CCND2: variants seen among roughly 807,000 people sequenced by gnomAD.
CCND2 encodes the protein G1/S-specific cyclin-D2.
In CCND2, 6 loss-of-function variants were observed where a neutral mutation model predicts 30.2. That is an observed-to-expected ratio of 0.20 (90% CI 0.11 to 0.39). The LOEUF (loss-of-function observed/expected upper bound fraction) is 0.39. Ranked by LOEUF, CCND2 falls within the 10% of genes least tolerant of loss-of-function variation. The pLI, the probability that CCND2 is intolerant of heterozygous loss-of-function variation, is 1.00. For missense variants in CCND2, 235 were observed against 373.4 expected (o/e 0.63, Z 3.06); for synonymous variants, 150 against 153.1 (o/e 0.98, Z 0.15).
In CCND2 at chr12:4,273,927, G is replaced by C; in HGVS notation, c.-114G>C. The C allele has an allele frequency of 9.7e-7, 1 of 1,032,336 alleles. No homozygotes were observed. The highest frequency in any genetic ancestry group is 1.6e-5 in the South Asian group (1 of 61,282). 63.9% of individuals were successfully genotyped at this position (1,032,336 alleles called of 1,614,324 possible). ...CTCTCCCCCGAAAACCCCCTATTTA[G>C]CCAAAGGAAGGAGGTCAGGGGAACG... On this transcript the variant is annotated 5_prime_UTR_variant, in exon 1 of 5. Transcript: ENST00000261254. This position sits in a 1 kb window ranked among gnomAD's most constrained non-coding sequence, Gnocchi z 5.9.
In CCND2 at chr12:4,301,136, TTCCTACCA is replaced by T. The variant is rs1864243426; in HGVS notation, c.*1128_*1135del. On this transcript the variant is annotated 3_prime_UTR_variant, in exon 5 of 5. Coordinates refer to ENST00000261254, the MANE Select transcript of CCND2 (RefSeq NM_001759.4). Reference sequence around the variant, plus strand: ...CGTTCTTTGGTACACAGTTCTGGTGTTCCTACCAGGACTCAAGAGACACCCCTTCCTGC... The same window carrying T: ...CGTTCTTTGGTACACAGTTCTGGTGTGGACTCAAGAGACACCCCTTCCTGC... 8.6e-6 allele frequency: 2 copies of T among 233,508 alleles called. No individual in the cohort carries two copies. Among genetic ancestry groups the T allele is most frequent in the Non-Finnish European group, 1.7e-5 (2 of 118,040 alleles). 14.5% of individuals were successfully genotyped at this position (233,508 alleles called of 1,614,324 possible). A position where few individuals can be genotyped will look rare whatever the true frequency, so the allele number is the denominator to read the frequency against.
Position 4,282,217 on chromosome 12 carries a change from C to T in CCND2, c.571+3298C>T, listed in dbSNP as rs73247753. ...AGAGCCAATGGCATTGAGTTTACAC[C>T]TGGCACCGGGTAGGGGGAGGTGCTC... On this transcript the variant is annotated intron_variant, in intron 3 of 4. Coordinates refer to ENST00000261254, the MANE Select transcript of CCND2 (RefSeq NM_001759.4). The surrounding 1 kb of genome is among the most constrained non-coding windows in gnomAD (Gnocchi z 4.3). Among the ~76,000 whole-genome samples, 710 of 152,250 alleles carry T rather than the reference C, an allele frequency of 4.7e-3. 4 individuals carry two copies. The highest frequency in any genetic ancestry group is 0.016 in the African/African-American group (651 of 41,530).
intron 4 of CCND2, among the ~76,000 whole-genome samples, chr12:4,298,270 C>G (rs955319179): frequency 6.6e-6 from 1 of 152,148 alleles, no homozygotes; most frequent in African/African-American, 2.4e-5. Context: ...CTGCCTTTGG[C>G]CTTTAGTCTG....
rs1473303650 is a variant in CCND2 at position 4,301,915 on chromosome 12, TG to T, written c.*1907del. On this transcript the variant is annotated 3_prime_UTR_variant, in exon 5 of 5. Transcript: ENST00000261254. ...TTTCTTCTGGTAGCATATTCATGGTTGTTTTTTTTTTTCTTTTTTGGTTTTT... is the reference window on the plus strand; with the variant it reads ...TTTCTTCTGGTAGCATATTCATGGTTTTTTTTTTTTTCTTTTTTGGTTTTT... The T allele has an allele frequency of 3.9e-5, 9 of 232,738 alleles. No homozygotes were observed. Among genetic ancestry groups the T allele is most frequent in the Non-Finnish European group, 6.8e-5 (8 of 117,758 alleles). 14.4% of individuals were successfully genotyped at this position (232,738 alleles called of 1,614,324 possible). A position where few individuals can be genotyped will look rare whatever the true frequency, so the allele number is the denominator to read the frequency against.
intron 3 of CCND2, among the ~76,000 whole-genome samples, chr12:4,281,023 A>C (rs1402584087): frequency 6.6e-6 from 1 of 152,218 alleles, no homozygotes; most frequent in Non-Finnish European, 1.5e-5. Context: ...TGGGATTCAG[A>C]GACTGAGGAC....
chr12:4,288,831 A>G lies in CCND2; in HGVS notation c.572-11A>G. 6.2e-7 allele frequency: 1 copy of G among 1,605,410 alleles called. No individual in the cohort carries two copies. Among genetic ancestry groups the G allele is most frequent in the Non-Finnish European group, 8.5e-7 (1 of 1,175,406 alleles). On this transcript the variant is annotated splice_polypyrimidine_tract_variant and intron_variant, in intron 3 of 4. Coordinates refer to ENST00000261254, the MANE Select transcript of CCND2 (RefSeq NM_001759.4). ...TCTGTGCCCTGACCTTCTGCCTCTC[A>G]TTCCTTGCAGACTTTAAGTTTGCCA...
chr12:4,295,297 A>G (rs1375087951), intron 4 of CCND2, among the ~76,000 whole-genome samples: 2 of 152,174 alleles, frequency 1.3e-5, no homozygotes, highest in African/African-American at 2.4e-5. Context: ...CAAGCTGATC[A>G]TTGTCAAGTT....
Position 4,285,349 on chromosome 12 carries a change from C to A in CCND2, c.572-3493C>A. 1 of 985,428 alleles carries A rather than the reference C, an allele frequency of 1.0e-6. No homozygotes were observed. The highest frequency in any genetic ancestry group is 1.2e-6 in the Non-Finnish European group (1 of 829,900). 61.0% of individuals were successfully genotyped at this position (985,428 alleles called of 1,614,324 possible). On this transcript the variant is annotated intron_variant, in intron 3 of 4. Transcript: ENST00000261254. The surrounding 1 kb of genome is among the most constrained non-coding windows in gnomAD (Gnocchi z 4.1). The stretch of plus-strand genomic sequence containing the variant: ...ATTAACGATGGCGAGGGCACACCCT[C>A]ACCCCTGAGCGTGCCTTCTGCACCA...
chr12:4,285,201 C>T lies in CCND2; in HGVS notation c.572-3641C>T. 1.3e-6 allele frequency: 1 copy of T among 757,726 alleles called. No homozygotes were observed. The highest frequency in any genetic ancestry group is 1.3e-4 in the East Asian group (1 of 7,760). 46.9% of individuals were successfully genotyped at this position (757,726 alleles called of 1,614,324 possible). ...GGGGAGTCCTCCATGCTGCCTGGAACAGGGAGGAGCACATTGTCATGAGTC... is the reference window on the plus strand; with the variant it reads ...GGGGAGTCCTCCATGCTGCCTGGAATAGGGAGGAGCACATTGTCATGAGTC... On this transcript the variant is annotated intron_variant, in intron 3 of 4. Transcript: ENST00000261254. This position sits in a 1 kb window ranked among gnomAD's most constrained non-coding sequence, Gnocchi z 4.1.
intron 3 of CCND2, among the ~76,000 whole-genome samples, chr12:4,284,955 C>T (rs1453065009): frequency 3.9e-5 from 6 of 152,066 alleles, no homozygotes; most frequent in Admixed American, 2.0e-4. Context: ...AGACTGGTCT[C>T]GAACTTCGGA....
chr12:4,283,412 G>C (rs1465232090), intron 3 of CCND2, among the ~76,000 whole-genome samples: 1 of 152,208 alleles, frequency 6.6e-6, no homozygotes, highest in Non-Finnish European at 1.5e-5. Context: ...AGGTGACTTT[G>C]AGGAGCTGGT....
rs2120592924 is a variant in CCND2, at chr12:4,299,825, C to T, written c.721-35C>T. ...GTAGGATGCTCTATGTCCTGTTCCTCTTACTAACAACTCTGGTCTGGACCA... is the reference window on the plus strand; with the variant it reads ...GTAGGATGCTCTATGTCCTGTTCCTTTTACTAACAACTCTGGTCTGGACCA... On this transcript the variant is annotated intron_variant, in intron 4 of 4. Transcript: ENST00000261254. This position sits in a 1 kb window ranked among gnomAD's most constrained non-coding sequence, Gnocchi z 5.2. 6.2e-7 allele frequency: 1 copy of T among 1,600,300 alleles called. No homozygotes were observed. Among genetic ancestry groups the T allele is most frequent in the Non-Finnish European group, 8.5e-7 (1 of 1,170,056 alleles).
Position 4,276,594 on chromosome 12 carries a change from G to A in CCND2, c.411+374G>A, listed in dbSNP as rs977252429. 1.3e-5 allele frequency among the ~76,000 whole-genome samples: 2 copies of A among 152,194 alleles called. No homozygotes were observed. The highest frequency in any genetic ancestry group is 4.1e-4 in the South Asian group (2 of 4,832). On this transcript the variant is annotated intron_variant, in intron 2 of 4. Coordinates refer to ENST00000261254, the MANE Select transcript of CCND2 (RefSeq NM_001759.4). This position sits in a 1 kb window ranked among gnomAD's most constrained non-coding sequence, Gnocchi z 4.8. ...AAATTTCCAAAAATAGTCTGAGAAC[G>A]TGTTCACATGATAGGTATGTGGCTG...
At position 4,302,477 on chromosome 12, in the gene CCND2, C is replaced by T. The variant is rs761675609; in HGVS notation, c.*2468C>T. 4.3e-6 allele frequency: 1 copy of T among 233,090 alleles called. No individual in the cohort carries two copies. Among genetic ancestry groups the T allele is most frequent in the Non-Finnish European group, 8.5e-6 (1 of 117,936 alleles). The allele number at this position is 233,090 out of a possible 1,614,324, so 14.4% of individuals were successfully genotyped here. On this transcript the variant is annotated 3_prime_UTR_variant, in exon 5 of 5. Coordinates refer to ENST00000261254, the MANE Select transcript of CCND2 (RefSeq NM_001759.4). ...TTTTTCCCCTCCGTCTTTCCCCTCC[C>T]CTGGCATGGACACCTTGTGTTTAGG...
In CCND2 at chr12:4,299,782, A is replaced by T; in HGVS notation, c.721-78A>T. ...ACTAGCACAGACTTATGCAAGCTAA[A>T]TTACGCATGTTTTCTCCGTAGGATG... is the stretch of plus-strand genomic sequence containing the variant. On this transcript the variant is annotated intron_variant, in intron 4 of 4. Transcript: ENST00000261254. This position sits in a 1 kb window ranked among gnomAD's most constrained non-coding sequence, Gnocchi z 5.2. 7.3e-7 allele frequency: 1 copy of T among 1,379,112 alleles called. No individual in the cohort carries two copies. Among genetic ancestry groups the T allele is most frequent in the African/African-American group, 1.4e-5 (1 of 70,246 alleles). 85.4% of individuals were successfully genotyped at this position (1,379,112 alleles called of 1,614,324 possible).
chr12:4,296,119 G>A (rs1297905064), intron 4 of CCND2, among the ~76,000 whole-genome samples: 2 of 152,246 alleles, frequency 1.3e-5, no homozygotes, highest in Non-Finnish European at 2.9e-5. Context: ...CCAAAGGGAA[G>A]ACGCGCATGG....
chr12:4,295,281 G>A (rs546930819), intron 4 of CCND2, among the ~76,000 whole-genome samples: 3 of 152,322 alleles, frequency 2.0e-5, no homozygotes, highest in East Asian at 3.9e-4. Context: ...TTGTGTAGTC[G>A]AAAGTCAAGC....
chr12:4,281,627 T>G (rs1591645792), intron 3 of CCND2, among the ~76,000 whole-genome samples: 1 of 150,818 alleles, frequency 6.6e-6, no homozygotes, highest in Non-Finnish European at 1.5e-5. Context: ...GGGTGGAGGG[T>G]GGGGGTCCCG....
In CCND2 at chr12:4,274,270, AC is replaced by A. The variant is rs1863829564; in HGVS notation, c.195+39del. ...GGGGTGGCGCTCGCCAGGAGCCAGG[AC>A]CCCTCCGGATGCTCGGGTCCCCGGC... is the stretch of plus-strand genomic sequence containing the variant. On this transcript the variant is annotated intron_variant, in intron 1 of 4. Transcript: ENST00000261254. The surrounding 1 kb of genome is among the most constrained non-coding windows in gnomAD (Gnocchi z 7.7). 1 of 1,604,062 alleles carries A rather than the reference AC, an allele frequency of 6.2e-7. No homozygotes were observed. The highest frequency in any genetic ancestry group is 8.5e-7 in the Non-Finnish European group (1 of 1,173,188).
Sources: allele counts gnomAD v4.1 joint callset (sites outside exome capture counted in the v4.1 genomes callset), GRCh38; gene constraint gnomAD v4.1.1; non-coding constraint Gnocchi (gnomAD v3.1); transcripts MANE v1.5; gene names NCBI Gene and HGNC (gene_info 2026-07-23, HGNC 2026-07-21).